Variants in PTPRD observed in about 807,000 individuals in gnomAD.
The protein encoded by PTPRD is protein tyrosine phosphatase receptor type D.
PTPRD carries 34 observed loss-of-function variants against 214.5 expected under a neutral mutation model. The observed-to-expected ratio is 0.16, with a 90% confidence interval of 0.12 to 0.21. The LOEUF is 0.21. Ranked by LOEUF, PTPRD falls within the 10% of genes least tolerant of loss-of-function variation. The probability of loss-of-function intolerance (pLI) is 1.00; values close to 1 mark genes in which losing one functional copy is unlikely to be tolerated. For synonymous variants in PTPRD, 1,128 were observed against 845.7 expected, an observed-to-expected ratio of 1.33 and a Z score of -5.79; for missense variants, 2,545 against 2,398.7, an observed-to-expected ratio of 1.06 and a Z score of -1.27.
chr9:9,791,707 C>T (rs528204393), intron 5 of PTPRD, among the ~76,000 whole-genome samples: 165 of 152,090 alleles, frequency 1.1e-3, no homozygotes, highest in African/African-American at 3.3e-3. Flanking sequence ...TAGATCTTAC[C>T]AACAGTCTTT....
At chr9:9,032,740 T>A (rs536396583) in intron 10 of PTPRD, among the ~76,000 whole-genome samples, 1 of 152,176 alleles carries the variant, frequency 6.6e-6, no homozygotes, top group Non-Finnish European at 1.5e-5. Context: ...CAGGGTTTTA[T>A]ATTTTTCCTT....
At chr9:9,736,509 G>C (rs956193133) in intron 6 of PTPRD, among the ~76,000 whole-genome samples, 1 of 152,024 alleles carries the variant, frequency 6.6e-6, no homozygotes, top group Non-Finnish European at 1.5e-5. Context: ...TTTGTTAAGA[G>C]TGACATTACT....
At chr9:9,176,375 C>G (rs1433591145) in intron 10 of PTPRD, among the ~76,000 whole-genome samples, 1 of 152,150 alleles carries the variant, frequency 6.6e-6, no homozygotes, top group East Asian at 1.9e-4. Flanking sequence ...CTATATAGTT[C>G]TATGCAGGCT....
At chr9:9,780,362 T>G (rs1275601491) in intron 5 of PTPRD, among the ~76,000 whole-genome samples, 3 of 152,098 alleles carry the variant, frequency 2.0e-5, no homozygotes, top group Non-Finnish European at 4.4e-5. Context: ...TATGTACCCC[T>G]GTATTTAAAA....
chr9:8,532,982 A>C (rs1592969105), intron 14 of PTPRD, among the ~76,000 whole-genome samples: 1 of 152,178 alleles, frequency 6.6e-6, no homozygotes, highest in Non-Finnish European at 1.5e-5. Flanking sequence ...TGACCTACCC[A>C]GGACTTGAAA....
intron 5 of PTPRD, among the ~76,000 whole-genome samples, chr9:9,867,723 T>G (rs2064336669): frequency 6.6e-6 from 1 of 152,270 alleles, no homozygotes; most frequent in Admixed American, 6.5e-5. Flanking sequence ...ACCTATTGTT[T>G]TCTCTTAGGT....
At chr9:8,712,571 A>G (rs1030193829) in intron 12 of PTPRD, among the ~76,000 whole-genome samples, 1 of 152,170 alleles carries the variant, frequency 6.6e-6, no homozygotes, top group Non-Finnish European at 1.5e-5. Context: ...AAAGCTAGAG[A>G]CAGAATGCAC....
chr9:9,414,678 G>A (rs935949916), intron 8 of PTPRD: 5 of 152,116 alleles, frequency 3.3e-5, no homozygotes, highest in East Asian at 1.9e-4. Context: ...AGTTTTGACA[G>A]GACAATTTAC....
At position 8,523,388 on chromosome 9, in the gene PTPRD, C is replaced by T. The variant is rs1268586820; in HGVS notation, c.691+125G>A. On this transcript the variant is annotated intron_variant, in intron 19 of 45. Transcript: ENST00000381196. ...CCAGAAGCCATGGCCAGGGCATTCT[C>T]TGCTAAAACATACCATTAACCAAAA... 4 of 1,167,560 alleles carry T rather than the reference C, an allele frequency of 3.4e-6. No individual in the cohort carries two copies. In the East Asian group the frequency reaches 7.7e-5, roughly 22 times the overall value. The allele number at this position is 1,167,560 out of a possible 1,614,324, so 72.3% of individuals were successfully genotyped here.
intron 7 of PTPRD, among the ~76,000 whole-genome samples, chr9:9,611,676 T>C (rs540363311): frequency 1.6e-4 from 25 of 152,202 alleles, no homozygotes; most frequent in African/African-American, 6.0e-4. Context: ...CATTGTACAA[T>C]CATTGACATA....
At chr9:9,141,158 C>T (rs2099859753) in intron 10 of PTPRD, among the ~76,000 whole-genome samples, 1 of 147,616 alleles carries the variant, frequency 6.8e-6, no homozygotes, top group Non-Finnish European at 1.5e-5. Context: ...CCCATCCTCC[C>T]CTCCCCTCCT....
chr9:9,411,350 T>A (rs1346443873), intron 8 of PTPRD, among the ~76,000 whole-genome samples: 1 of 149,536 alleles, frequency 6.7e-6, no homozygotes, highest in African/African-American at 2.5e-5. Flanking sequence ...ACCACCCAAA[T>A]ATAAAATAAA....
intron 3 of PTPRD, among the ~76,000 whole-genome samples, chr9:10,239,526 A>T (rs1274871473): frequency 1.3e-5 from 2 of 151,834 alleles, no homozygotes; most frequent in Admixed American, 6.6e-5. Context: ...CTTACACTTC[A>T]TTTCCAGGTA....
chr9:9,352,922 T>A (rs1391285543), intron 9 of PTPRD, among the ~76,000 whole-genome samples: 1 of 152,022 alleles, frequency 6.6e-6, no homozygotes, highest in Non-Finnish European at 1.5e-5. Context: ...ACGCTAAATT[T>A]ATAATAACTC....
intron 11 of PTPRD, among the ~76,000 whole-genome samples, chr9:8,955,905 C>A (rs2099129189): frequency 6.6e-6 from 1 of 151,874 alleles, no homozygotes; most frequent in African/African-American, 2.4e-5. Context: ...CATGCATATA[C>A]ACACACACCT....
At chr9:8,844,658 C>G (rs1014505000) in intron 11 of PTPRD, among the ~76,000 whole-genome samples, 1 of 152,122 alleles carries the variant, frequency 6.6e-6, no homozygotes, top group Admixed American at 6.5e-5. Flanking sequence ...TGCCACAAAT[C>G]CTTTTTCAAG....
At chr9:10,110,818 T>A (rs1392661868) in intron 3 of PTPRD, among the ~76,000 whole-genome samples, 1 of 152,178 alleles carries the variant, frequency 6.6e-6, no homozygotes, top group Non-Finnish European at 1.5e-5. Context: ...TCTTAAATAT[T>A]AGGTAGAATT....
At chr9:10,078,013 AATTCTCAATTTTGATTGGAATG>A (rs2098163049) in intron 3 of PTPRD, among the ~76,000 whole-genome samples, 1 of 152,044 alleles carries the variant, frequency 6.6e-6, no homozygotes, top group Admixed American at 6.6e-5. Context: ...GATATATGTA[AATTCTCAATTTTGATTGGAATG>A]AATTATCTAC....
At chr9:9,107,103 A>G (rs547756886) in intron 10 of PTPRD, among the ~76,000 whole-genome samples, 66 of 152,214 alleles carry the variant, frequency 4.3e-4, no homozygotes, top group South Asian at 2.3e-3. Context: ...ATTAGAAATT[A>G]TTTTTTTGTT....
Sources: allele counts gnomAD v4.1 joint callset (sites outside exome capture counted in the v4.1 genomes callset), GRCh38; gene constraint gnomAD v4.1.1; transcripts MANE v1.5; gene names NCBI Gene and HGNC (gene_info 2026-07-23, HGNC 2026-07-21).